The following SEC24D variants were observed in gnomAD, a reference collection of about 807,000 sequenced individuals.
The protein encoded by SEC24D is protein transport protein Sec24D.
Under a neutral mutation model 116.9 loss-of-function variants are expected in SEC24D, and 69 were observed. The ratio of observed to expected loss-of-function variants is 0.59; its 90% CI spans 0.49 to 0.72. The LOEUF (loss-of-function observed/expected upper bound fraction) is 0.72. SEC24D is among the 30% of genes least tolerant of loss of function. The pLI is 0.00. For missense variants in SEC24D, 1,131 were observed against 1,264.1 expected (o/e 0.89, Z 1.60); for synonymous variants, 405 against 442.8 (o/e 0.91, Z 1.07).
At position 118,813,225 on chromosome 4, in the gene SEC24D, G is replaced by A. The variant is rs192318636; in HGVS notation, c.801+1803C>T. Among the ~76,000 whole-genome samples, 615 of 152,240 alleles carry A rather than the reference G, an allele frequency of 4.0e-3. 4 individuals carry two copies. Among genetic ancestry groups the A allele is most frequent in the African/African-American group, 0.014 (575 of 41,540 alleles). On this transcript the variant is annotated intron_variant, in intron 6 of 22. Coordinates refer to ENST00000280551, the MANE Select transcript of SEC24D (RefSeq NM_014822.4). The stretch of plus-strand genomic sequence containing the variant: ...CAATGTGACCACAGAAGCAGAGACT[G>A]GAGTCACATGGTCACAAGCCAAGGA...
At chr4:118,740,056 T>G (rs1200885058) in intron 17 of SEC24D, among the ~76,000 whole-genome samples, 2 of 152,152 alleles carry the variant, frequency 1.3e-5, no homozygotes, top group Non-Finnish European at 2.9e-5. Flanking sequence ...TTAATTAAAA[T>G]GAGTTCATTA....
chr4:118,733,918 C>A (rs554790713), intron 19 of SEC24D, among the ~76,000 whole-genome samples: 1 of 152,058 alleles, frequency 6.6e-6, no homozygotes, highest in South Asian at 2.1e-4. Context: ...CCCCAAAGTA[C>A]ATGCCCTTGT....
chr4:118,834,096 C>T (rs1220316962), intron 1 of SEC24D, among the ~76,000 whole-genome samples: 1 of 152,244 alleles, frequency 6.6e-6, no homozygotes, highest in Non-Finnish European at 1.5e-5. Flanking sequence ...CAGCACAGAG[C>T]ACACCATGCC....
intron 13 of SEC24D, among the ~76,000 whole-genome samples, chr4:118,750,072 A>C (rs1726746176): frequency 6.6e-6 from 1 of 152,202 alleles, no homozygotes; most frequent in Non-Finnish European, 1.5e-5. Context: ...ATAACAATAA[A>C]ATTGCAAATA....
In SEC24D at chr4:118,768,255, G is replaced by C. The variant is rs1727733562; in HGVS notation, c.1098C>G (p.Cys366Trp). The C allele has an allele frequency of 6.2e-7, 1 of 1,613,608 alleles. No individual in the cohort carries two copies. The highest frequency in any genetic ancestry group is 1.7e-5 in the Admixed American group (1 of 59,984). The stretch of plus-strand genomic sequence containing the variant: ...GCATAAATGGGCACATGTAGGCCTT[G>C]CACCTGTTGCATCTGACTGGTCCAC... ...GESGPVRCNR[C>W]KAYMCPFMQF... The change falls in exon 9 of 23, where the codon TGC becomes TGG. Residue 366 changes from cysteine (C) to tryptophan (W), a missense_variant. Coordinates refer to ENST00000280551, the MANE Select transcript of SEC24D (RefSeq NM_014822.4).
chr4:118,816,827 C>A (rs1452810016), intron 4 of SEC24D: 9 of 455,894 alleles, frequency 2.0e-5, no homozygotes, highest in Admixed American at 1.6e-4. Flanking sequence ...CTCACAACAT[C>A]TGAGCTTCCA....
At chr4:118,828,413 A>G (rs770019468) in intron 2 of SEC24D, among the ~76,000 whole-genome samples, 2 of 152,132 alleles carry the variant, frequency 1.3e-5, no homozygotes, top group South Asian at 2.1e-4. Context: ...CCGGCCTTAC[A>G]TTAATACTTC....
chr4:118,835,785 G>A (rs1367845448), intron 1 of SEC24D, among the ~76,000 whole-genome samples, 156 bp downstream of exon 1: 2 of 152,188 alleles, frequency 1.3e-5, no homozygotes, highest in African/African-American at 2.4e-5. Flanking sequence ...TGCACTAGAA[G>A]GCTAAAGAAC....
chr4:118,783,380 C>T (rs1437271594), intron 8 of SEC24D, among the ~76,000 whole-genome samples: 1 of 152,138 alleles, frequency 6.6e-6, no homozygotes, highest in Non-Finnish European at 1.5e-5. Flanking sequence ...TTCCTTCCTC[C>T]ATAGACCTAG....
intron 21 of SEC24D, chr4:118,730,450 A>G (rs1378740111): frequency 6.6e-6 from 1 of 152,198 alleles, no homozygotes; most frequent in African/African-American, 2.4e-5. Flanking sequence ...TCTTTCTGCA[A>G]GATGCTATAT....
intron 9 of SEC24D, among the ~76,000 whole-genome samples, chr4:118,765,252 T>C (rs2110470597): frequency 6.6e-6 from 1 of 152,352 alleles, no homozygotes; most frequent in South Asian, 2.1e-4. Flanking sequence ...ATTCTGACTT[T>C]TCTAACTATT....
intron 8 of SEC24D, among the ~76,000 whole-genome samples, chr4:118,782,233 T>C (rs564150413): frequency 1.2e-4 from 18 of 152,352 alleles, no homozygotes; most frequent in Non-Finnish European, 2.2e-4. Flanking sequence ...TTATCTACCT[T>C]TGGTCTTTGA....
chr4:118,787,917 A>C (rs1308556905), intron 8 of SEC24D, among the ~76,000 whole-genome samples: 1 of 152,140 alleles, frequency 6.6e-6, no homozygotes, highest in Non-Finnish European at 1.5e-5. Flanking sequence ...AGCTCAAGTG[A>C]TTCTCCTGCC....
chr4:118,733,519 T>C (rs1725803289), intron 19 of SEC24D, among the ~76,000 whole-genome samples: 1 of 152,230 alleles, frequency 6.6e-6, no homozygotes, highest in Non-Finnish European at 1.5e-5. Context: ...TAAATGCCAT[T>C]GTGTCATAGG....
At chr4:118,771,469 T>A (rs1490308733) in intron 8 of SEC24D, among the ~76,000 whole-genome samples, 1 of 152,174 alleles carries the variant, frequency 6.6e-6, no homozygotes, top group Admixed American at 6.5e-5. Flanking sequence ...AGGAAAAATG[T>A]GAATCTTTTC....
In SEC24D at chr4:118,833,415, G is replaced by A. The variant is rs967989696; in HGVS notation, c.118+164C>T. On this transcript the variant is annotated intron_variant, in intron 2 of 22. Coordinates refer to ENST00000280551, the MANE Select transcript of SEC24D (RefSeq NM_014822.4). The stretch of plus-strand genomic sequence containing the variant: ...TGCATGCAATAACCAAACTAGTGAT[G>A]TAGAGTTCTGCTATGAGAGCCTTTT... The A allele has an allele frequency of 3.6e-5, 20 of 553,260 alleles. 1 individual carries two copies. In the East Asian group the frequency reaches 4.4e-4, roughly 12 times the overall value. 34.3% of individuals were successfully genotyped at this position (553,260 alleles called of 1,614,324 possible). A position where few individuals can be genotyped will look rare whatever the true frequency, so the allele number is the denominator to read the frequency against.
At chr4:118,793,667 T>C (rs1729050762) in intron 8 of SEC24D, among the ~76,000 whole-genome samples, 2 of 152,184 alleles carry the variant, frequency 1.3e-5, no homozygotes, top group Admixed American at 1.3e-4. Context: ...TGTTGCAGCA[T>C]CCCTTTCACA....
intron 14 of SEC24D, 130 bp downstream of exon 14, chr4:118,744,814 G>C (rs1675526289): frequency 7.0e-6 from 4 of 570,614 alleles, no homozygotes; most frequent in Non-Finnish European, 1.2e-5. Context: ...AAATATTCCT[G>C]TAATATGCAA....
At chr4:118,783,156 G>A (rs1195580332) in intron 8 of SEC24D, among the ~76,000 whole-genome samples, 5 of 152,182 alleles carry the variant, frequency 3.3e-5, no homozygotes, top group Admixed American at 2.0e-4. Context: ...TACCTCAGTT[G>A]GAAATGCAGA....
Sources: allele counts gnomAD v4.1 joint callset (sites outside exome capture counted in the v4.1 genomes callset), GRCh38; gene constraint gnomAD v4.1.1; transcripts MANE v1.5; gene names NCBI Gene and HGNC (gene_info 2026-07-23, HGNC 2026-07-21).